Variants in HOMER2 observed in about 807,000 individuals in gnomAD.
The protein encoded by HOMER2 is homer protein homolog 2.
HOMER2 carries 27 observed loss-of-function variants against 47.0 expected under a neutral mutation model. That is an observed-to-expected ratio of 0.57 (90% CI 0.42 to 0.79). The LOEUF is 0.79. HOMER2 is among the 30% of genes least tolerant of loss of function. The pLI is 0.00. For missense variants in HOMER2, 443 were observed against 435.0 expected (o/e 1.02, Z -0.16); for synonymous variants, 161 against 163.8 (o/e 0.98, Z 0.13).
At chr15:82,878,256 G>C (rs949181537) in intron 2 of HOMER2, among the ~76,000 whole-genome samples, 1 of 152,194 alleles carries the variant, frequency 6.6e-6, no homozygotes, top group South Asian at 2.1e-4. Context: ...CCCAGAGGCA[G>C]TCAAGCTAGA....
chr15:82,950,692 A>G (rs894939180), intron 1 of HOMER2, among the ~76,000 whole-genome samples: 2 of 152,256 alleles, frequency 1.3e-5, no homozygotes, highest in African/African-American at 4.8e-5. Context: ...ATCTACGAGA[A>G]GTGAGTAATA....
intron 1 of HOMER2, among the ~76,000 whole-genome samples, chr15:82,907,217 C>T (rs1329070133): frequency 6.6e-6 from 1 of 151,992 alleles, no homozygotes. Context: ...ACTAGCTGGG[C>T]ATGGTGGCGG....
intron 4 of HOMER2, among the ~76,000 whole-genome samples, chr15:82,860,523 T>G (rs1366780491): frequency 6.6e-6 from 1 of 152,156 alleles, no homozygotes; most frequent in Non-Finnish European, 1.5e-5. Context: ...ATAAAGCTCT[T>G]GAAAATCAAT....
At chr15:82,961,234 ATC>A (rs1490341995) in intron 1 of HOMER2, among the ~76,000 whole-genome samples, 1 of 152,212 alleles carries the variant, frequency 6.6e-6, no homozygotes, top group East Asian at 1.9e-4. Flanking sequence ...AGGCTGGTTA[ATC>A]TCTCACAGTC....
At chr15:82,912,621 T>G (rs2053481645) in intron 1 of HOMER2, among the ~76,000 whole-genome samples, 1 of 152,218 alleles carries the variant, frequency 6.6e-6, no homozygotes, top group Non-Finnish European at 1.5e-5. Context: ...GTGGCATTGT[T>G]AAGTCATAGG....
intron 1 of HOMER2, among the ~76,000 whole-genome samples, chr15:82,984,193 C>G (rs1038070882): frequency 6.6e-6 from 1 of 152,028 alleles, no homozygotes; most frequent in Non-Finnish European, 1.5e-5. Context: ...CCACCACGCC[C>G]AGCTAATTTT....
At chr15:82,838,376 TGTGGCTCTCGGCAATGCAAACAGCATCG>T (rs2051146843) in exon 2 of HOMER2, 1 of 152,278 alleles carries the variant, frequency 6.6e-6, no homozygotes, top group South Asian at 2.1e-4. Context: ...GGGGTAGAAC[TGTGGCTCTCGGCAATGCAAACAGCATCG>T]GTGGCAGCCA....
chr15:82,867,630 C>T lies in HOMER2; in HGVS notation c.295-3371G>A, dbSNP rs147682814. On this transcript the variant is annotated intron_variant, in intron 3 of 8. Transcript: ENST00000450735. ...ATTGTTTGCCTGTGAAATGAGCAAA[C>T]ACTAAAGACAATTAGATTCCCTGTG... Among the ~76,000 whole-genome samples, 315 of 152,212 alleles carry T rather than the reference C, an allele frequency of 2.1e-3. 1 individual carries two copies. The highest frequency in any genetic ancestry group is 6.8e-3 in the Middle Eastern group (2 of 294).
chr15:82,914,409 T>C (rs1171750013), intron 1 of HOMER2, among the ~76,000 whole-genome samples: 1 of 148,362 alleles, frequency 6.7e-6, no homozygotes, highest in Non-Finnish European at 1.5e-5. Flanking sequence ...GGAAGTCCAC[T>C]ATATGCTACA....
At chr15:82,869,095 C>T (rs934297792) in intron 3 of HOMER2, among the ~76,000 whole-genome samples, 3 of 152,190 alleles carry the variant, frequency 2.0e-5, no homozygotes, top group Non-Finnish European at 2.9e-5. Context: ...CTGCTCCTCT[C>T]GACACACTGC....
chr15:82,888,858 G>A lies in HOMER2; in HGVS notation c.162+3827C>T, dbSNP rs1257931888. ...AAATGCAGAAATCACCGTCTTCTGC[G>A]TCGCTCACGCTGGGAGCTGTAGACC... is the stretch of plus-strand genomic sequence containing the variant. On this transcript the variant is annotated intron_variant, in intron 2 of 8. Coordinates refer to ENST00000450735, the MANE Select transcript of HOMER2 (RefSeq NM_004839.4). Among the ~76,000 whole-genome samples the A allele has an allele frequency of 1.5e-5, 2 of 135,622 alleles. 1 individual carries two copies. Among genetic ancestry groups the A allele is most frequent in the Non-Finnish European group, 3.2e-5 (2 of 63,432 alleles). The allele number at this position is 135,622 out of a possible 152,430, so 89.0% of individuals were successfully genotyped here. A position where few individuals can be genotyped will look rare whatever the true frequency, so the allele number is the denominator to read the frequency against.
chr15:82,930,765 C>G (rs1343536884), intron 1 of HOMER2, among the ~76,000 whole-genome samples: 1 of 152,178 alleles, frequency 6.6e-6, no homozygotes, highest in Admixed American at 6.6e-5. Flanking sequence ...GTGGCTCATG[C>G]CTGTAATCCA....
At chr15:82,962,393 G>A (rs758888901) in intron 1 of HOMER2, among the ~76,000 whole-genome samples, 13 of 146,226 alleles carry the variant, frequency 8.9e-5, no homozygotes, top group Non-Finnish European at 1.9e-4. Flanking sequence ...AAAATGTCCA[G>A]AGGCCGGGCA....
At chr15:82,928,554 TAAC>T (rs2053914227) in intron 1 of HOMER2, among the ~76,000 whole-genome samples, 1 of 152,120 alleles carries the variant, frequency 6.6e-6, no homozygotes, top group Non-Finnish European at 1.5e-5. Flanking sequence ...AATAAATACT[TAAC>T]AAGATCCTAT....
intron 1 of HOMER2, among the ~76,000 whole-genome samples, chr15:82,962,136 C>T (rs1488559798): frequency 1.3e-5 from 2 of 150,708 alleles, no homozygotes; most frequent in African/African-American, 2.4e-5. Flanking sequence ...TTTGGGAGTC[C>T]GAGGCGGGCG....
At chr15:82,900,437 CATA>C (rs890843088) in intron 1 of HOMER2, among the ~76,000 whole-genome samples, 2 of 151,998 alleles carry the variant, frequency 1.3e-5, no homozygotes, top group Non-Finnish European at 2.9e-5. Context: ...ATAAATCTAA[CATA>C]ATAAAATTAT....
chr15:82,939,206 C>T (rs758739537), intron 1 of HOMER2, among the ~76,000 whole-genome samples: 5 of 152,208 alleles, frequency 3.3e-5, no homozygotes, highest in Admixed American at 6.5e-5. Context: ...TCTCCTCTTA[C>T]GTTCCCAATC....
chr15:82,906,721 A>G (rs1421935754), intron 1 of HOMER2, among the ~76,000 whole-genome samples: 1 of 152,164 alleles, frequency 6.6e-6, no homozygotes, highest in Non-Finnish European at 1.5e-5. Context: ...GGCGTGAGCC[A>G]CCGCGCCCAG....
At chr15:82,844,382 CCTAAGTATCCAAGGTACAA>C (rs2051211149), downstream of HOMER2, 1 of 152,074 alleles carries the variant, frequency 6.6e-6, no homozygotes, top group Non-Finnish European at 1.5e-5. Flanking sequence ...TTGGAAACAA[CCTAAGTATCCAAGGTACAA>C]CCTACATAGA....
Sources: allele counts gnomAD v4.1 joint callset (sites outside exome capture counted in the v4.1 genomes callset), GRCh38; gene constraint gnomAD v4.1.1; transcripts MANE v1.5; gene names NCBI Gene and HGNC (gene_info 2026-07-23, HGNC 2026-07-21).